The following RANBP2 variants were observed in gnomAD, a reference collection of about 807,000 sequenced individuals.
The protein encoded by RANBP2 is RAN binding protein 2.
In RANBP2, 57 loss-of-function variants were observed where a neutral mutation model predicts 303.6. That is an observed-to-expected ratio of 0.19 (90% CI 0.15 to 0.23). The LOEUF is 0.23. RANBP2 is among the 10% of genes least tolerant of loss of function. The pLI is 1.00. For synonymous variants in RANBP2, 1,167 were observed against 1,301.5 expected (o/e 0.90, Z 2.23); for missense variants, 3,138 against 3,780.8 (o/e 0.83, Z 4.46).
the RANBP2 span, among the ~76,000 whole-genome samples, chr2:109,609,117 T>A: frequency 1.3e-5 from 2 of 152,358 alleles, 1 homozygote; most frequent in Admixed American, 1.3e-4. Flanking sequence ...TCTGGGACTA[T>A]CTGAAAAGTA....
At chr2:109,520,325 AG>A in the RANBP2 span, among the ~76,000 whole-genome samples, 2 of 151,902 alleles carry the variant, frequency 1.3e-5, no homozygotes, top group African/African-American at 2.4e-5. Context: ...GATGTTGGCC[AG>A]GCGCGGTGGC....
chr2:108,924,519 A>G, the RANBP2 span, among the ~76,000 whole-genome samples: 1 of 152,192 alleles, frequency 6.6e-6, no homozygotes, highest in East Asian at 1.9e-4. Context: ...CTGGGATGAG[A>G]AGGAATATTT....
intron 20 of RANBP2, 150 bp downstream of exon 20, chr2:108,768,538 A>T: frequency 1.4e-6 from 2 of 1,435,692 alleles, no homozygotes; most frequent in Admixed American, 4.2e-5. Context: ...TTCTCCCTTA[A>T]TAAGTTCACG....
chr2:109,710,538 G>A, the RANBP2 span, among the ~76,000 whole-genome samples: 1 of 152,210 alleles, frequency 6.6e-6, no homozygotes, highest in South Asian at 2.1e-4. Context: ...GGCACAAGGT[G>A]GGGCTGAAGG....
At chr2:109,669,594 T>C in the RANBP2 span, among the ~76,000 whole-genome samples, 1 of 152,214 alleles carries the variant, frequency 6.6e-6, no homozygotes, top group African/African-American at 2.4e-5. Context: ...CTGCTAGAAC[T>C]AGAATTCAGA....
At chr2:109,615,223 C>T in the RANBP2 span, 1 of 1,547,132 alleles carries the variant, frequency 6.5e-7, no homozygotes, top group South Asian at 1.2e-5. Context: ...TCAGACAGCG[C>T]ATCGGTGGCC....
At chr2:109,022,200 C>T in the RANBP2 span, among the ~76,000 whole-genome samples, 1 of 152,300 alleles carries the variant, frequency 6.6e-6, no homozygotes, top group African/African-American at 2.4e-5. Flanking sequence ...GAGCAGAGGC[C>T]CAGGCATGCG....
chr2:109,562,878 A>T, the RANBP2 span, among the ~76,000 whole-genome samples: 1 of 152,040 alleles, frequency 6.6e-6, no homozygotes. Flanking sequence ...CCTATGCCTG[A>T]ATTTGGTGAG....
At chr2:109,437,186 G>A in the RANBP2 span, 3 of 1,568,918 alleles carry the variant, frequency 1.9e-6, no homozygotes, top group Non-Finnish European at 2.6e-6. Flanking sequence ...GCATCAACAA[G>A]GGGGCTTCCT....
At chr2:108,791,602 G>A in the RANBP2 span, 1 of 1,503,428 alleles carries the variant, frequency 6.7e-7, no homozygotes, top group Non-Finnish European at 9.2e-7. Flanking sequence ...GTTAATATTT[G>A]AAAAGCAGTT....
the RANBP2 span, among the ~76,000 whole-genome samples, chr2:109,365,442 G>A: frequency 8.3e-3 from 1,268 of 152,290 alleles, 13 homozygotes; most frequent in Non-Finnish European, 0.013. Flanking sequence ...AATTTGGGGG[G>A]CAGCAGTTTG....
At chr2:108,942,225 G>A in the RANBP2 span, among the ~76,000 whole-genome samples, 25 of 152,356 alleles carry the variant, frequency 1.6e-4, no homozygotes, top group African/African-American at 5.8e-4. Context: ...CATAACACAT[G>A]GAGTCAATGG....
the RANBP2 span, among the ~76,000 whole-genome samples, chr2:109,375,571 A>G: frequency 3.3e-5 from 5 of 152,360 alleles, no homozygotes; most frequent in Admixed American, 3.3e-4. Context: ...TCAGAATTTC[A>G]GAAGGCGCTT....
At chr2:108,898,429 G>C in the RANBP2 span, among the ~76,000 whole-genome samples, 3 of 152,250 alleles carry the variant, frequency 2.0e-5, no homozygotes, top group Admixed American at 2.0e-4. Flanking sequence ...ACAGTAGCAA[G>C]ACAGCACCCT....
chr2:108,969,495 C>T, the RANBP2 span, among the ~76,000 whole-genome samples: 2 of 152,274 alleles, frequency 1.3e-5, no homozygotes, highest in African/African-American at 2.4e-5. Flanking sequence ...GTCCTGGCCC[C>T]GAGGACTCAG....
the RANBP2 span, among the ~76,000 whole-genome samples, chr2:109,420,078 G>C: frequency 6.6e-6 from 1 of 152,212 alleles, no homozygotes; most frequent in East Asian, 1.9e-4. Flanking sequence ...CCCCGTCCCA[G>C]GGCCACACCA....
chr2:109,144,669 G>A, the RANBP2 span, among the ~76,000 whole-genome samples: 3 of 152,226 alleles, frequency 2.0e-5, no homozygotes, highest in East Asian at 1.9e-4. Context: ...GGTGTTCCCC[G>A]AGTCCTTATG....
chr2:109,555,749 C>CAATAAAG, the RANBP2 span, among the ~76,000 whole-genome samples: 1 of 152,196 alleles, frequency 6.6e-6, no homozygotes, highest in Non-Finnish European at 1.5e-5. Context: ...GTTCTTTCTA[C>CAATAAAG]CCAATAAATA....
At chr2:109,285,185 G>C in the RANBP2 span, among the ~76,000 whole-genome samples, 3 of 152,214 alleles carry the variant, frequency 2.0e-5, no homozygotes, top group Admixed American at 2.0e-4. Context: ...GGAACAAATT[G>C]AGCCTGGCAC....
Sources: gnomAD v4.1 joint callset for allele counts (sites outside exome capture counted in the v4.1 genomes callset) on GRCh38, gnomAD v4.1.1 for gene constraint, MANE v1.5 for transcripts, NCBI Gene and HGNC (gene_info 2026-07-23, HGNC 2026-07-21) for gene names.